CLVS1: variants seen among roughly 807,000 people sequenced by gnomAD.
CLVS1 encodes clavesin-1.
CLVS1 carries 10 observed loss-of-function variants against 33.1 expected under a neutral mutation model. The observed-to-expected ratio is 0.30, with a 90% CI of 0.19 to 0.51. The LOEUF is 0.51. Ranked by LOEUF, CLVS1 falls within the 20% of genes least tolerant of loss-of-function variation. The pLI is 0.97. For missense variants in CLVS1, 343 were observed against 433.4 expected (o/e 0.79, Z 1.85); for synonymous variants, 163 against 166.1 (o/e 0.98, Z 0.14).
chr8:61,444,809 C>A (rs1182614357), intron 3 of CLVS1, among the ~76,000 whole-genome samples: 1 of 152,192 alleles, frequency 6.6e-6, no homozygotes, highest in Non-Finnish European at 1.5e-5. Flanking sequence ...TAGTCTGAAT[C>A]ATTTTGGTGG....
intron 1 of CLVS1, among the ~76,000 whole-genome samples, chr8:61,057,409 CA>C (rs1346715557): frequency 0.011 from 1,521 of 143,512 alleles, 13 homozygotes; most frequent in Non-Finnish European, 0.013. Flanking sequence ...CACACACACA[CA>C]CACCCCATCC....
At chr8:60,993,214 T>C in the CLVS1 span, among the ~76,000 whole-genome samples, 1 of 152,230 alleles carries the variant, frequency 6.6e-6, no homozygotes, top group Admixed American at 6.5e-5. Context: ...CCCAGCTTGC[T>C]CTCTAGATCT....
chr8:61,319,756 G>A (rs952394903), intron 2 of CLVS1, among the ~76,000 whole-genome samples: 3 of 152,092 alleles, frequency 2.0e-5, no homozygotes, highest in African/African-American at 7.2e-5. Flanking sequence ...TATGGCATTA[G>A]CTTATGCTGC....
chr8:61,348,800 T>G (rs532125918), intron 2 of CLVS1, among the ~76,000 whole-genome samples: 1 of 152,184 alleles, frequency 6.6e-6, no homozygotes, highest in Non-Finnish European at 1.5e-5. Context: ...ACTTTTGTAC[T>G]GTTTTTCATA....
intron 3 of CLVS1, among the ~76,000 whole-genome samples, chr8:61,424,889 T>A (rs1400425369): frequency 6.6e-6 from 1 of 152,220 alleles, no homozygotes; most frequent in East Asian, 1.9e-4. Flanking sequence ...AATAAAATTA[T>A]CTCTTTCTCC....
chr8:61,299,098 T>A (rs1199416661), intron 1 of CLVS1, among the ~76,000 whole-genome samples: 1 of 152,130 alleles, frequency 6.6e-6, no homozygotes, highest in East Asian at 1.9e-4. Context: ...CCACCCCCAC[T>A]CTTCACACAT....
At chr8:61,211,398 A>C (rs1344914428) in intron 2 of CLVS1, among the ~76,000 whole-genome samples, 205 of 91,636 alleles carry the variant, frequency 2.2e-3, no homozygotes, top group Admixed American at 3.8e-3. Context: ...TTCCCCCTTT[A>C]CCTCCTCCTC....
At position 61,202,851 on chromosome 8, in the gene CLVS1, T is replaced by A. The variant is rs1210166760; in HGVS notation, c.-152+70991T>A. The A allele has an allele frequency of 1.3e-4, 125 of 978,818 alleles. No homozygotes were observed. In the East Asian group the frequency reaches 2.5e-3, roughly 19 times the overall value. The allele number at this position is 978,818 out of a possible 1,614,324, so 60.6% of individuals were successfully genotyped here. On this transcript the variant is annotated intron_variant, in intron 2 of 2. Coordinates refer to the CLVS1 transcript ENST00000522621. Reference sequence around the variant, plus strand: ...CTGCTGATGAAGATGATGATGATGATGAAGAAGATGATGATGATGAAGATG... The same window carrying A: ...CTGCTGATGAAGATGATGATGATGAAGAAGAAGATGATGATGATGAAGATG...
chr8:61,102,785 G>T (rs894921085), intron 1 of CLVS1, among the ~76,000 whole-genome samples: 1 of 152,100 alleles, frequency 6.6e-6, no homozygotes, highest in Non-Finnish European at 1.5e-5. Flanking sequence ...AAAAGAGACA[G>T]GGAAAAGAAA....
At chr8:61,242,015 T>A (rs1808706796) in intron 2 of CLVS1, among the ~76,000 whole-genome samples, 1 of 149,676 alleles carries the variant, frequency 6.7e-6, no homozygotes, top group African/African-American at 2.5e-5. Flanking sequence ...GCAGTCATTG[T>A]TGAATTGTTA....
At chr8:60,966,429 C>T in the CLVS1 span, 14 of 453,972 alleles carry the variant, frequency 3.1e-5, no homozygotes, top group East Asian at 3.5e-4. Context: ...ACTGCTATGG[C>T]GGGTGGAAGC....
At chr8:61,104,859 C>T (rs752757949) in intron 1 of CLVS1, among the ~76,000 whole-genome samples, 3 of 152,248 alleles carry the variant, frequency 2.0e-5, no homozygotes, top group South Asian at 2.1e-4. Flanking sequence ...GACAGAGTCT[C>T]GCTCTGTTGC....
intron 2 of CLVS1, among the ~76,000 whole-genome samples, chr8:61,228,832 G>A (rs977516517): frequency 6.6e-6 from 1 of 152,112 alleles, no homozygotes; most frequent in African/African-American, 2.4e-5. Context: ...TGGCTATTGT[G>A]AATAATGCCA....
chr8:61,434,837 C>T (rs1317932228), intron 3 of CLVS1, among the ~76,000 whole-genome samples: 1 of 152,054 alleles, frequency 6.6e-6, no homozygotes, highest in African/African-American at 2.4e-5. Context: ...TGATTATCTC[C>T]CGGGTCTAGA....
At chr8:61,490,572 GCA>G (rs1804037525) in intron 5 of CLVS1, among the ~76,000 whole-genome samples, 1 of 150,934 alleles carries the variant, frequency 6.6e-6, no homozygotes, top group South Asian at 2.1e-4. Context: ...GGAAGCTGAG[GCA>G]GGAGAATCCA....
intron 5 of CLVS1, among the ~76,000 whole-genome samples, chr8:61,471,938 G>T (rs1379203311): frequency 3.3e-5 from 5 of 152,110 alleles, no homozygotes; most frequent in African/African-American, 1.2e-4. Context: ...GCCCCTCCCG[G>T]GCACACACAG....
At chr8:61,422,373 G>T (rs909899789) in intron 3 of CLVS1, among the ~76,000 whole-genome samples, 1 of 152,202 alleles carries the variant, frequency 6.6e-6, no homozygotes. Context: ...TGAAGCATGT[G>T]TGATGTCTCC....
intron 2 of CLVS1, chr8:61,203,117 G>A: frequency 3.2e-6 from 4 of 1,231,112 alleles, no homozygotes; most frequent in Admixed American, 1.7e-5. Flanking sequence ...AGAAAAAGGT[G>A]GTTCTCTTCC....
intron 2 of CLVS1, among the ~76,000 whole-genome samples, chr8:61,133,361 G>T (rs773463330): frequency 2.0e-5 from 3 of 152,156 alleles, no homozygotes; most frequent in Non-Finnish European, 4.4e-5. Flanking sequence ...TGAAGAGTGG[G>T]TATAGAGTAG....
Sources: allele counts gnomAD v4.1 joint callset (sites outside exome capture counted in the v4.1 genomes callset), GRCh38; gene constraint gnomAD v4.1.1; transcripts MANE v1.5; gene names NCBI Gene and HGNC (gene_info 2026-07-23, HGNC 2026-07-21).